SERPINB7: variants seen among roughly 807,000 people sequenced by gnomAD.
SERPINB7 encodes the protein serpin B7.
In SERPINB7, 31 loss-of-function variants were observed where a neutral mutation model predicts 37.4. The observed-to-expected ratio is 0.83, with a 90% CI of 0.62 to 1.12. The LOEUF (loss-of-function observed/expected upper bound fraction) is 1.12. SERPINB7 is among the 50% of genes most tolerant of loss of function. The pLI, the probability that SERPINB7 is intolerant of heterozygous loss-of-function variation, is 0.00. For synonymous variants in SERPINB7, 163 were observed against 166.1 expected, an observed-to-expected ratio of 0.98 and a Z score of 0.14; for missense variants, 521 against 455.3, an observed-to-expected ratio of 1.14 and a Z score of -1.31.
At chr18:63,753,853 CA>C (rs1326314346) in intron 1 of SERPINB7, among the ~76,000 whole-genome samples, 12 of 152,210 alleles carry the variant, frequency 7.9e-5, no homozygotes, top group African/African-American at 2.9e-4. Flanking sequence ...GGTTCTCCAA[CA>C]AATCCCAAAC....
At chr18:63,757,753 A>G (rs2049129959) in intron 1 of SERPINB7, among the ~76,000 whole-genome samples, 1 of 152,328 alleles carries the variant, frequency 6.6e-6, no homozygotes, top group Middle Eastern at 3.4e-3. Context: ...TCCTAATGAA[A>G]CACATTCTGT....
intron 1 of SERPINB7, among the ~76,000 whole-genome samples, chr18:63,769,974 T>C (rs372342589): frequency 1.3e-5 from 2 of 150,582 alleles, no homozygotes; most frequent in African/African-American, 4.9e-5. Context: ...GCACACAGTG[T>C]GAGTGGAAGG....
chr18:63,764,824 T>A (rs916718353), intron 1 of SERPINB7, among the ~76,000 whole-genome samples: 3 of 152,046 alleles, frequency 2.0e-5, no homozygotes, highest in African/African-American at 7.2e-5. Flanking sequence ...GTGTGTATCA[T>A]CACCTCATAT....
At chr18:63,770,947 T>C (rs1182799935), upstream of SERPINB7, among the ~76,000 whole-genome samples, 1 of 151,484 alleles carries the variant, frequency 6.6e-6, no homozygotes, top group African/African-American at 2.4e-5. Flanking sequence ...TTTATTCATC[T>C]TCGTTGGAAC....
chr18:63,794,652 T>G (rs1300839102), intron 4 of SERPINB7, among the ~76,000 whole-genome samples: 1 of 152,064 alleles, frequency 6.6e-6, no homozygotes, highest in East Asian at 1.9e-4. Context: ...ATAGCGCCAC[T>G]GCACTCCGGC....
In SERPINB7 at chr18:63,793,165, G is replaced by A. The variant is rs1250343406; in HGVS notation, c.224G>A (p.Gly75Glu). 3 of 1,525,380 alleles carry A rather than the reference G, an allele frequency of 2.0e-6. No individual in the cohort carries two copies. The highest frequency in any genetic ancestry group is 2.3e-5 in the East Asian group (1 of 43,254). 94.5% of individuals were successfully genotyped at this position (1,525,380 alleles called of 1,614,324 possible). The change falls in exon 4 of 8, where the codon GGG becomes GAG. Residue 75 changes from glycine (G) to glutamate (E), a missense_variant. Transcript: ENST00000398019. ...GYGNSSNSQS[G>E]LQSQLKRVFS... ...TATACATCTTTTTAATAACAGTCAG[G>A]GCTCCAGTCTCAACTGAAAAGAGTT...
chr18:63,767,108 C>A (rs2049184759), intron 1 of SERPINB7, among the ~76,000 whole-genome samples: 1 of 152,064 alleles, frequency 6.6e-6, no homozygotes, highest in South Asian at 2.1e-4. Context: ...GCTGGATAAC[C>A]ATGGACCTAC....
intron 1 of SERPINB7, among the ~76,000 whole-genome samples, chr18:63,762,940 A>C (rs1042042818): frequency 6.6e-6 from 1 of 152,222 alleles, no homozygotes; most frequent in African/African-American, 2.4e-5. Context: ...ATATTAGCAG[A>C]TAATTGTGGA....
intron 2 of SERPINB7, among the ~76,000 whole-genome samples, chr18:63,784,122 A>G (rs2049341238): frequency 2.0e-5 from 3 of 152,222 alleles, no homozygotes. Flanking sequence ...TGATATTCAC[A>G]TTGACACACT....
At chr18:63,775,006 G>A (rs1476886961), upstream of SERPINB7, among the ~76,000 whole-genome samples, 1 of 152,058 alleles carries the variant, frequency 6.6e-6, no homozygotes, top group African/African-American at 2.4e-5. Context: ...ACACAGGATA[G>A]GGTTGAAAGA....
At chr18:63,756,479 T>A (rs2049122677) in intron 1 of SERPINB7, among the ~76,000 whole-genome samples, 1 of 152,132 alleles carries the variant, frequency 6.6e-6, no homozygotes, top group South Asian at 2.1e-4. Context: ...AGGGATCAAA[T>A]GAGGACACAG....
At position 63,788,126 on chromosome 18, in the gene SERPINB7, C is replaced by A. The variant is rs2049391345; in HGVS notation, c.169-4267C>A. ...GTTATTTTAAAGTGTACTCCTTCTA[C>A]TTACGAAAAATAAAAGTTCGCTGTG... On this transcript the variant is annotated intron_variant, in intron 2 of 7. Coordinates refer to ENST00000398019, the MANE Select transcript of SERPINB7 (RefSeq NM_003784.4). Among the ~76,000 whole-genome samples, 3 of 152,204 alleles carry A rather than the reference C, an allele frequency of 2.0e-5. No homozygotes were observed. In the South Asian group the frequency reaches 6.2e-4, roughly 31 times the overall value.
intron 1 of SERPINB7, among the ~76,000 whole-genome samples, chr18:63,777,534 G>A (rs2049260501): frequency 6.6e-6 from 1 of 151,996 alleles, no homozygotes; most frequent in Admixed American, 6.6e-5. Context: ...AATACTATGT[G>A]ATACTAAATA....
At chr18:63,801,323 A>G (rs1401604655) in intron 7 of SERPINB7, among the ~76,000 whole-genome samples, 1 of 152,188 alleles carries the variant, frequency 6.6e-6, no homozygotes, top group African/African-American at 2.4e-5. Flanking sequence ...CCATGAATAC[A>G]GTCTTCTACG....
At chr18:63,773,888 T>C (rs1411035710), upstream of SERPINB7, among the ~76,000 whole-genome samples, 1 of 152,160 alleles carries the variant, frequency 6.6e-6, no homozygotes. Flanking sequence ...TAATTATGGA[T>C]GACTCTTGGT....
At chr18:63,797,354 T>A (rs752868913) in intron 5 of SERPINB7, among the ~76,000 whole-genome samples, 25 of 152,204 alleles carry the variant, frequency 1.6e-4, no homozygotes, top group Non-Finnish European at 3.2e-4. Flanking sequence ...CCTCATTATA[T>A]TCATAGTGGG....
At position 63,793,902 on chromosome 18, in the gene SERPINB7, A is replaced by C. The variant is rs527900230; in HGVS notation, c.336+625A>C. On this transcript the variant is annotated intron_variant, in intron 4 of 7. Coordinates refer to ENST00000398019, the MANE Select transcript of SERPINB7 (RefSeq NM_003784.4). ...ATGACATACTAGTTGGACTTTTTAA[A>C]AAAGTATAAATGCTTAGTGGCTTCT... Among the ~76,000 whole-genome samples, 7 of 152,186 alleles carry C rather than the reference A, an allele frequency of 4.6e-5. No individual in the cohort carries two copies. The East Asian group carries it at 1.4e-3, about 29-fold the overall frequency.
intron 1 of SERPINB7, among the ~76,000 whole-genome samples, chr18:63,765,740 G>C (rs73469948): frequency 0.031 from 4,715 of 152,046 alleles, 120 homozygotes; most frequent in African/African-American, 0.066. Flanking sequence ...GAAATGCCTC[G>C]ATTGACATTA....
chr18:63,773,454 C>T (rs923110330), upstream of SERPINB7, among the ~76,000 whole-genome samples: 13 of 152,086 alleles, frequency 8.5e-5, no homozygotes, highest in African/African-American at 2.9e-4. Flanking sequence ...CTTACCATGC[C>T]CTCGCCATTA....
Sources: allele counts gnomAD v4.1 joint callset (sites outside exome capture counted in the v4.1 genomes callset), GRCh38; gene constraint gnomAD v4.1.1; transcripts MANE v1.5; gene names NCBI Gene and HGNC (gene_info 2026-07-23, HGNC 2026-07-21).